The following HS3ST2 variants were observed in gnomAD, a reference collection of about 807,000 sequenced individuals.
HS3ST2 encodes heparan sulfate glucosamine 3-O-sulfotransferase 2.
A neutral mutation model predicts 26.3 loss-of-function variants in HS3ST2; 17 were observed. The ratio of observed to expected loss-of-function variants is 0.65; its 90% CI spans 0.44 to 0.97. HS3ST2 has a LOEUF of 0.97. Ranked by LOEUF, HS3ST2 falls within the 50% of genes least tolerant of loss-of-function variation. HS3ST2 has a pLI of 0.00. For synonymous variants in HS3ST2, 237 were observed against 219.2 expected (o/e 1.08, Z -0.72); for missense variants, 402 against 501.2 (o/e 0.80, Z 1.89).
At chr16:22,871,842 C>T (rs142554227) in intron 1 of HS3ST2, among the ~76,000 whole-genome samples, 1 of 152,342 alleles carries the variant, frequency 6.6e-6, no homozygotes, top group African/African-American at 2.4e-5. Context: ...GGTTAGAAAC[C>T]TGTGTGACTC....
intron 1 of HS3ST2, among the ~76,000 whole-genome samples, chr16:22,868,559 CAA>C (rs1325068959): frequency 6.6e-6 from 1 of 152,018 alleles, no homozygotes; most frequent in Non-Finnish European, 1.5e-5. Flanking sequence ...CTAGAGAATG[CAA>C]AGTCAGGAAG....
chr16:22,845,281 A>C (rs1437172097), intron 1 of HS3ST2, among the ~76,000 whole-genome samples: 1 of 148,026 alleles, frequency 6.8e-6, no homozygotes, highest in Non-Finnish European at 1.5e-5. Flanking sequence ...GCATCATTCC[A>C]GCTGCCAATG....
chr16:22,856,219 C>A (rs969770406), intron 1 of HS3ST2, among the ~76,000 whole-genome samples: 6 of 152,092 alleles, frequency 3.9e-5, no homozygotes, highest in Admixed American at 3.3e-4. Flanking sequence ...CCTAAGGGGC[C>A]CAAGTTACAT....
At chr16:22,858,738 AT>A (rs1234687026) in intron 1 of HS3ST2, among the ~76,000 whole-genome samples, 1 of 152,150 alleles carries the variant, frequency 6.6e-6, no homozygotes, top group Non-Finnish European at 1.5e-5. Context: ...CTGTTTCTGT[AT>A]TGTAAAATGA....
chr16:22,864,077 C>A (rs1286719141), intron 1 of HS3ST2, among the ~76,000 whole-genome samples: 1 of 152,196 alleles, frequency 6.6e-6, no homozygotes, highest in African/African-American at 2.4e-5. Context: ...TAAACTCACC[C>A]ACCCTGGACA....
At position 22,814,480 on chromosome 16, in the gene HS3ST2, G is replaced by A; in HGVS notation, c.-131G>A. ...TGGTCAGCAGCCCCCGGAGAAGACG[G>A]CGCCCCCAACGCCCGACCCGCGTGG... On this transcript the variant is annotated 5_prime_UTR_variant, in exon 1 of 2. Transcript: ENST00000261374. 1 of 997,330 alleles carries A rather than the reference G, an allele frequency of 1.0e-6. No homozygotes were observed. The highest frequency in any genetic ancestry group is 3.1e-5 in the East Asian group (1 of 32,758). The allele number at this position is 997,330 out of a possible 1,614,324, so 61.8% of individuals were successfully genotyped here. A position where few individuals can be genotyped will look rare whatever the true frequency, so the allele number is the denominator to read the frequency against.
Position 22,915,128 on chromosome 16 carries a change from G to T in HS3ST2, c.670G>T (p.Asp224Tyr). 1 of 1,613,990 alleles carries T rather than the reference G, an allele frequency of 6.2e-7. No individual in the cohort carries two copies. The highest frequency in any genetic ancestry group is 1.1e-5 in the South Asian group (1 of 91,052). ...DYTQTLSKKPDIPTFEGLSFR... is the reference protein window; with the variant it reads ...DYTQTLSKKPYIPTFEGLSFR... ...CACGCAGACACTCTCCAAGAAGCCC[G>T]ACATCCCGACCTTTGAGGGCCTCTC... The change falls in exon 2 of 2, where the codon GAC becomes TAC. Residue 224 changes from aspartate to tyrosine, a missense_variant. Coordinates refer to ENST00000261374, the MANE Select transcript of HS3ST2 (RefSeq NM_006043.2).
chr16:22,861,248 AACC>A (rs1406752538), intron 1 of HS3ST2, among the ~76,000 whole-genome samples: 1 of 151,976 alleles, frequency 6.6e-6, no homozygotes. Flanking sequence ...TGGCCTCTAG[AACC>A]ACAGCCCAGT....
chr16:22,841,307 C>T (rs1328030348), intron 1 of HS3ST2, among the ~76,000 whole-genome samples: 14 of 152,036 alleles, frequency 9.2e-5, no homozygotes, highest in Non-Finnish European at 1.9e-4. Context: ...ATGATCTGCC[C>T]GCCTTGGCCT....
intron 1 of HS3ST2, among the ~76,000 whole-genome samples, chr16:22,876,109 C>T (rs1003210397): frequency 5.9e-5 from 9 of 152,166 alleles, no homozygotes; most frequent in Non-Finnish European, 1.0e-4. Context: ...CATAATATTG[C>T]ATTCCTTTCT....
chr16:22,830,730 G>T (rs1360733885), intron 1 of HS3ST2, among the ~76,000 whole-genome samples: 1 of 152,174 alleles, frequency 6.6e-6, no homozygotes, highest in Non-Finnish European at 1.5e-5. Flanking sequence ...CAATCATGGG[G>T]TCATCAACGT....
At chr16:22,840,337 T>G (rs551877914) in intron 1 of HS3ST2, among the ~76,000 whole-genome samples, 1 of 152,252 alleles carries the variant, frequency 6.6e-6, no homozygotes, top group Admixed American at 6.5e-5. Flanking sequence ...CTTTGCTGGG[T>G]AAAGAAACCT....
chr16:22,827,492 G>A (rs1901106357), intron 1 of HS3ST2, among the ~76,000 whole-genome samples: 1 of 152,074 alleles, frequency 6.6e-6, no homozygotes, highest in African/African-American at 2.4e-5. Context: ...TTGCAGCAGT[G>A]GTGGTGGAGA....
intron 1 of HS3ST2, among the ~76,000 whole-genome samples, chr16:22,838,797 G>A (rs913510364): frequency 1.3e-5 from 2 of 152,222 alleles, no homozygotes; most frequent in Non-Finnish European, 2.9e-5. Context: ...GTGTCTGCTA[G>A]GTTGTGCCTT....
intron 1 of HS3ST2, among the ~76,000 whole-genome samples, chr16:22,876,429 T>A (rs946375254): frequency 6.6e-6 from 1 of 152,198 alleles, no homozygotes; most frequent in Non-Finnish European, 1.5e-5. Context: ...AGAATAGCCA[T>A]CATTTTTTAA....
chr16:22,849,287 A>G (rs978157305), intron 1 of HS3ST2, among the ~76,000 whole-genome samples: 2 of 152,156 alleles, frequency 1.3e-5, no homozygotes, highest in African/African-American at 2.4e-5. Flanking sequence ...CTTTAAAGTA[A>G]CTCAATACTC....
chr16:22,896,974 A>C (rs1367028156), intron 1 of HS3ST2, among the ~76,000 whole-genome samples: 3 of 151,464 alleles, frequency 2.0e-5, no homozygotes, highest in Non-Finnish European at 4.4e-5. Context: ...TGCCTGGCTA[A>C]TTTTTGTATT....
At chr16:22,871,217 G>A (rs767856024) in intron 1 of HS3ST2, among the ~76,000 whole-genome samples, 8 of 152,058 alleles carry the variant, frequency 5.3e-5, no homozygotes, top group Non-Finnish European at 5.9e-5. Context: ...TTAGCTGGGC[G>A]TGATGGTGCA....
At chr16:22,826,282 G>A (rs993947286) in intron 1 of HS3ST2, among the ~76,000 whole-genome samples, 1 of 152,114 alleles carries the variant, frequency 6.6e-6, no homozygotes, top group African/African-American at 2.4e-5. Flanking sequence ...GAGAGCTGGT[G>A]CCTATGTTTT....
Sources: gnomAD v4.1 joint callset for allele counts (sites outside exome capture counted in the v4.1 genomes callset) on GRCh38, gnomAD v4.1.1 for gene constraint, MANE v1.5 for transcripts, NCBI Gene and HGNC (gene_info 2026-07-23, HGNC 2026-07-21) for gene names.